MTUS1: variants seen among roughly 807,000 people sequenced by gnomAD.
MTUS1 encodes the protein microtubule associated scaffold protein 1.
In MTUS1, 109 loss-of-function variants were observed where a neutral mutation model predicts 120.8. That is an observed-to-expected ratio of 0.90 (90% confidence interval 0.77 to 1.06). MTUS1 has a LOEUF of 1.06. MTUS1 is among the 50% of genes least tolerant of loss of function. The pLI, the probability that MTUS1 is intolerant of heterozygous loss-of-function variation, is 0.00. For synonymous variants in MTUS1, 737 were observed against 550.5 expected (o/e 1.34, Z -4.74); for missense variants, 2,210 against 1,486.3 (o/e 1.49, Z -8.01).
intron 1 of MTUS1, among the ~76,000 whole-genome samples, chr8:17,777,121 A>C (rs1023286153): frequency 1.3e-5 from 2 of 151,784 alleles, no homozygotes; most frequent in Non-Finnish European, 2.9e-5. Context: ...CAATTTTCCC[A>C]CCCCCAGCAT....
At chr8:17,782,016 G>A (rs1160720172) in intron 1 of MTUS1, among the ~76,000 whole-genome samples, 1 of 152,118 alleles carries the variant, frequency 6.6e-6, no homozygotes, top group Non-Finnish European at 1.5e-5. Context: ...GATGGCCCTC[G>A]GTTGGCCAGA....
intron 7 of MTUS1, among the ~76,000 whole-genome samples, chr8:17,680,150 A>G (rs543128169): frequency 1.3e-5 from 2 of 152,196 alleles, no homozygotes; most frequent in South Asian, 2.1e-4. Context: ...GTAGATCTAG[A>G]AGGCCAGGAA....
intron 11 of MTUS1, 24 bp from the exon 12 acceptor site, chr8:17,653,305 C>G: frequency 2.6e-6 from 4 of 1,513,148 alleles, no homozygotes; most frequent in Non-Finnish European, 3.6e-6. Flanking sequence ...AAATGTGGAA[C>G]TTAAGTTAAC....
intron 7 of MTUS1, chr8:17,681,702 A>G (rs779270678): frequency 1.3e-5 from 2 of 154,788 alleles, no homozygotes; most frequent in Admixed American, 6.5e-5. Context: ...ATGTACGGCT[A>G]CAGCATCTGG....
chr8:17,763,666 G>C (rs778121436), intron 1 of MTUS1, among the ~76,000 whole-genome samples: 7 of 152,152 alleles, frequency 4.6e-5, no homozygotes, highest in Non-Finnish European at 8.8e-5. Context: ...AAGGCAACAG[G>C]ATTAACAGTA....
At chr8:17,655,828 G>A (rs756018972) in intron 9 of MTUS1, 35 bp downstream of exon 9, 3 of 1,584,694 alleles carry the variant, frequency 1.9e-6, no homozygotes, top group South Asian at 1.1e-5. Context: ...AAGCAGCAGA[G>A]GCCTCAGACA....
chr8:17,739,668 G>A (rs947757090), intron 3 of MTUS1, among the ~76,000 whole-genome samples: 1 of 152,122 alleles, frequency 6.6e-6, no homozygotes, highest in South Asian at 2.1e-4. Flanking sequence ...TTCTGTGGAA[G>A]ATTCCTTGTC....
At chr8:17,725,212 A>T (rs1437752374) in intron 3 of MTUS1, among the ~76,000 whole-genome samples, 1 of 152,178 alleles carries the variant, frequency 6.6e-6, no homozygotes, top group Non-Finnish European at 1.5e-5. Flanking sequence ...TGAAAATGAC[A>T]TTGTTGCGTA....
chr8:17,785,759 G>C (rs2051252018), intron 1 of MTUS1, among the ~76,000 whole-genome samples: 1 of 152,134 alleles, frequency 6.6e-6, no homozygotes, highest in Non-Finnish European at 1.5e-5. Flanking sequence ...GGCAGATCTG[G>C]AGGGCAGTTT....
At chr8:17,760,724 T>C (rs1333543822) in intron 1 of MTUS1, among the ~76,000 whole-genome samples, 1 of 151,734 alleles carries the variant, frequency 6.6e-6, no homozygotes, top group African/African-American at 2.4e-5. Flanking sequence ...TGTAAAGCCT[T>C]CAAAGTTGCC....
chr8:17,713,939 C>T (rs406253), intron 5 of MTUS1, among the ~76,000 whole-genome samples: 19,498 of 152,116 alleles, frequency 0.13, 1,475 homozygotes, highest in Non-Finnish European at 0.16. Context: ...AAAACTGTTG[C>T]GACATAACCT....
chr8:17,668,925 T>C (rs1811458985), intron 8 of MTUS1, among the ~76,000 whole-genome samples: 1 of 152,206 alleles, frequency 6.6e-6, no homozygotes, highest in Admixed American at 6.5e-5. Context: ...AGAAAAACAT[T>C]TGTGCATAAA....
chr8:17,658,968 TA>T lies in MTUS1; in HGVS notation c.2906-2904del, dbSNP rs35243233. ...TTATTGAAGGGCAAAGATTTAACAT[TA>T]AAAAAAAATCCCCAAAACAAAAACT... On this transcript the variant is annotated intron_variant, in intron 8 of 14. Transcript: ENST00000693296. Among the ~76,000 whole-genome samples, 23 of 150,944 alleles carry T rather than the reference TA, an allele frequency of 1.5e-4. 1 individual carries two copies. The highest frequency in any genetic ancestry group is 5.6e-4 in the African/African-American group (23 of 41,118).
At chr8:17,769,229 T>A (rs1316948534) in intron 1 of MTUS1, among the ~76,000 whole-genome samples, 1 of 103,392 alleles carries the variant, frequency 9.7e-6, no homozygotes, top group Non-Finnish European at 2.0e-5. Context: ...AATGCTTTTA[T>A]TCCTTTTTTT....
At chr8:17,788,487 C>A (rs937777271) in intron 1 of MTUS1, among the ~76,000 whole-genome samples, 5 of 152,152 alleles carry the variant, frequency 3.3e-5, no homozygotes, top group Admixed American at 2.0e-4. Context: ...CTGTTACATC[C>A]TGAACATATT....
chr8:17,722,265 G>T (rs1013420165), intron 4 of MTUS1: 42 of 991,036 alleles, frequency 4.2e-5, no homozygotes, highest in Non-Finnish European at 4.0e-5. Context: ...GAAAACACGG[G>T]GCTGTGGCAC....
At chr8:17,695,101 A>G (rs1375009487) in intron 6 of MTUS1, among the ~76,000 whole-genome samples, 1 of 152,220 alleles carries the variant, frequency 6.6e-6, no homozygotes, top group Non-Finnish European at 1.5e-5. Flanking sequence ...GATAAGAGTC[A>G]CCATGACGGC....
At chr8:17,781,636 C>T (rs1010968142) in intron 1 of MTUS1, among the ~76,000 whole-genome samples, 1 of 152,186 alleles carries the variant, frequency 6.6e-6, no homozygotes, top group African/African-American at 2.4e-5. Context: ...ACCACTAAGA[C>T]TTTAACCTCC....
At chr8:17,735,730 C>T (rs886296239) in intron 3 of MTUS1, among the ~76,000 whole-genome samples, 1 of 152,270 alleles carries the variant, frequency 6.6e-6, no homozygotes, top group South Asian at 2.1e-4. Context: ...GTGCTTCGCA[C>T]AGGTCTCCAT....
Sources: allele counts gnomAD v4.1 joint callset (sites outside exome capture counted in the v4.1 genomes callset), GRCh38; gene constraint gnomAD v4.1.1; transcripts MANE v1.5; gene names NCBI Gene and HGNC (gene_info 2026-07-23, HGNC 2026-07-21).